Variants in PRDM5 observed in about 807,000 individuals in gnomAD.
PRDM5 encodes the protein PR/SET domain 5.
In PRDM5, 56 loss-of-function variants were observed where a neutral mutation model predicts 81.2. The ratio of observed to expected loss-of-function variants is 0.69; its 90% confidence interval spans 0.56 to 0.86. The LOEUF (loss-of-function observed/expected upper bound fraction) is 0.86. Ranked by LOEUF, PRDM5 falls within the 40% of genes least tolerant of loss-of-function variation. The pLI is 0.00. For missense variants in PRDM5, 697 were observed against 770.1 expected (o/e 0.91, Z 1.12); for synonymous variants, 267 against 256.4 (o/e 1.04, Z -0.39).
intron 13 of PRDM5, among the ~76,000 whole-genome samples, chr4:120,756,893 C>G (rs843557): frequency 0.24 from 36,333 of 151,912 alleles, 4,652 homozygotes; most frequent in South Asian, 0.39. Context: ...TTTACACTTA[C>G]GTAAAATTAT....
rs1257830653 is a variant in PRDM5, at chr4:120,846,575, G to A, written c.300+6843C>T. 3.9e-5 allele frequency among the ~76,000 whole-genome samples: 6 copies of A among 152,106 alleles called. No individual in the cohort carries two copies. The South Asian group carries it at 8.3e-4, about 21-fold the overall frequency. On this transcript the variant is annotated intron_variant, in intron 3 of 15. Transcript: ENST00000264808. ...GACAACAGTATAGTATAAATATAAC[G>A]TTTACATGCACTGTGAAACCAAAGA... is the stretch of plus-strand genomic sequence containing the variant.
At chr4:120,905,766 G>A (rs1561681205) in intron 2 of PRDM5, among the ~76,000 whole-genome samples, 1 of 152,036 alleles carries the variant, frequency 6.6e-6, no homozygotes, top group East Asian at 1.9e-4. Context: ...CTCTCTATGT[G>A]TGGAAAACTC....
chr4:120,816,436 C>T lies in PRDM5; in HGVS notation c.865+17G>A, dbSNP rs773904211. ...AAAGGAAGCCCCTTCGGAAACGACC[C>T]TCCAACGACTCCTCACCAGTGTGGA... On this transcript the variant is annotated intron_variant, in intron 7 of 15. Transcript: ENST00000264808. 21 of 1,614,050 alleles carry T rather than the reference C, an allele frequency of 1.3e-5. No individual in the cohort carries two copies. Among genetic ancestry groups the T allele is most frequent in the Non-Finnish European group, 1.7e-5 (20 of 1,180,030 alleles).
intron 2 of PRDM5, among the ~76,000 whole-genome samples, chr4:120,874,447 G>A (rs1451280575): frequency 1.3e-5 from 2 of 152,022 alleles, no homozygotes; most frequent in Non-Finnish European, 2.9e-5. Context: ...ATTTAAAATG[G>A]ATTTCTGCTT....
chr4:120,805,383 G>T lies in PRDM5; in HGVS notation c.946-5638C>A, dbSNP rs1752765031. ...AGCATCATCCTGATACGAAAGCCTG[G>T]CAGAGACAGAATAAAAAAAGAGAAT... On this transcript the variant is annotated intron_variant, in intron 8 of 15. Transcript: ENST00000264808. 3.3e-5 allele frequency among the ~76,000 whole-genome samples: 5 copies of T among 152,124 alleles called. No homozygotes were observed. The South Asian group carries it at 8.3e-4, about 25-fold the overall frequency.
At chr4:120,878,229 A>C (rs569174241) in intron 2 of PRDM5, among the ~76,000 whole-genome samples, 3 of 152,286 alleles carry the variant, frequency 2.0e-5, no homozygotes, top group African/African-American at 7.2e-5. Flanking sequence ...CCTCCTGATT[A>C]AAAAGTACTC....
intron 2 of PRDM5, chr4:120,896,270 C>T (rs187993301): frequency 1.3e-5 from 2 of 152,208 alleles, no homozygotes; most frequent in Admixed American, 1.3e-4. Context: ...AAGTCCTTCT[C>T]AGATTCCCAT....
chr4:120,719,426 T>C (rs843567), intron 14 of PRDM5, among the ~76,000 whole-genome samples: 150,892 of 152,352 alleles, frequency 0.99, 74,742 homozygotes, highest in East Asian at 1. Flanking sequence ...TAAACACTTC[T>C]TCACGGTTTC....
chr4:120,922,726 T>C lies in PRDM5; in HGVS notation c.-118A>G. ...GAGAAACCGGCAGGGAAGGAGGAAA[T>C]GGAGTTTTCCTCCCAGAATCCCCAC... On this transcript the variant is annotated 5_prime_UTR_variant, in exon 1 of 16. Coordinates refer to ENST00000264808, the MANE Select transcript of PRDM5 (RefSeq NM_018699.4). 7.3e-7 allele frequency: 1 copy of C among 1,370,198 alleles called. No homozygotes were observed. Among genetic ancestry groups the C allele is most frequent in the South Asian group, 1.3e-5 (1 of 79,964 alleles). 84.9% of individuals were successfully genotyped at this position (1,370,198 alleles called of 1,614,324 possible).
At chr4:120,701,790 AC>A (rs1225195921) in intron 15 of PRDM5, among the ~76,000 whole-genome samples, 1 of 152,042 alleles carries the variant, frequency 6.6e-6, no homozygotes, top group Non-Finnish European at 1.5e-5. Flanking sequence ...TGTACAACAA[AC>A]CTGCAGATGT....
At chr4:120,837,840 G>C (rs1561442185) in intron 3 of PRDM5, 2 of 152,000 alleles carry the variant, frequency 1.3e-5, no homozygotes, top group Non-Finnish European at 2.9e-5. Flanking sequence ...TAATAAAACA[G>C]ACATGTGTAA....
chr4:120,850,675 G>A (rs1291639140), intron 3 of PRDM5, among the ~76,000 whole-genome samples: 2 of 152,080 alleles, frequency 1.3e-5, no homozygotes, highest in Non-Finnish European at 2.9e-5. Flanking sequence ...TAATTCAAGA[G>A]TGAAATTTCA....
chr4:120,784,940 A>G, intron 11 of PRDM5, 58 bp downstream of exon 11: 1 of 1,381,326 alleles, frequency 7.2e-7, no homozygotes, highest in Non-Finnish European at 1.0e-6. Flanking sequence ...CTCAAAGGTT[A>G]TAAAAACAAA....
chr4:120,879,614 T>A (rs1180016337), intron 2 of PRDM5, among the ~76,000 whole-genome samples: 2 of 152,206 alleles, frequency 1.3e-5, no homozygotes, highest in African/African-American at 4.8e-5. Flanking sequence ...TACTTTATTG[T>A]AAGAATACTG....
chr4:120,854,745 T>A (rs190889523), intron 2 of PRDM5, among the ~76,000 whole-genome samples: 30 of 150,506 alleles, frequency 2.0e-4, no homozygotes, highest in African/African-American at 6.8e-4. Context: ...GAAAATAGAG[T>A]ACTAAGAGAA....
At chr4:120,821,373 C>T (rs769296261) in intron 3 of PRDM5, 28 bp from the exon 4 acceptor site, 112 of 1,584,010 alleles carry the variant, frequency 7.1e-5, no homozygotes, top group Non-Finnish European at 9.5e-5. Context: ...AAATGCTGAA[C>T]CATTCATTTG....
At chr4:120,803,317 G>C (rs1246093399) in intron 8 of PRDM5, among the ~76,000 whole-genome samples, 1 of 152,128 alleles carries the variant, frequency 6.6e-6, no homozygotes, top group African/African-American at 2.4e-5. Context: ...ACCCAACCTA[G>C]CAAGGCAGGC....
intron 2 of PRDM5, chr4:120,895,600 TTCA>T (rs1764526905): frequency 6.6e-6 from 1 of 152,330 alleles, no homozygotes; most frequent in African/African-American, 2.4e-5. Flanking sequence ...TCAAGTCTTC[TTCA>T]TCATCATTAT....
intron 2 of PRDM5, among the ~76,000 whole-genome samples, chr4:120,904,668 T>A (rs1579192233): frequency 6.6e-6 from 1 of 152,118 alleles, no homozygotes; most frequent in African/African-American, 2.4e-5. Context: ...GAATAGATAA[T>A]GCAAAACTAG....
Sources: allele counts gnomAD v4.1 joint callset (sites outside exome capture counted in the v4.1 genomes callset), GRCh38; gene constraint gnomAD v4.1.1; transcripts MANE v1.5; gene names NCBI Gene and HGNC (gene_info 2026-07-23, HGNC 2026-07-21).